Variants in TYW1B observed in about 807,000 individuals in gnomAD.
TYW1B encodes the protein S-adenosyl-L-methionine-dependent tRNA 4-demethylwyosine synthase TYW1B.
A neutral mutation model predicts 86.9 loss-of-function variants in TYW1B; 73 were observed. The ratio of observed to expected loss-of-function variants is 0.84; its 90% CI spans 0.70 to 1.02. The LOEUF (loss-of-function observed/expected upper bound fraction) is 1.02. Among genes scored for constraint, TYW1B ranks in the 50% least tolerant of loss-of-function variants. The pLI is 0.00. For synonymous variants in TYW1B, 248 were observed against 292.8 expected, an observed-to-expected ratio of 0.85 and a Z score of 1.56; for missense variants, 637 against 827.4, an observed-to-expected ratio of 0.77 and a Z score of 2.82.
intron 9 of TYW1B, among the ~76,000 whole-genome samples, chr7:72,716,280 G>GT (rs1230876423): frequency 4.6e-5 from 7 of 152,340 alleles, no homozygotes; most frequent in Non-Finnish European, 8.8e-5. Flanking sequence ...GCTGTGAATG[G>GT]TAAGTACCTT....
intron 2 of TYW1B, among the ~76,000 whole-genome samples, chr7:72,826,413 G>C (rs1163939420): frequency 2.0e-5 from 3 of 152,042 alleles, no homozygotes; most frequent in African/African-American, 7.3e-5. Context: ...GGTATAATAA[G>C]GTCCTTTAAT....
chr7:72,735,590 C>T (rs1438961727), intron 8 of TYW1B, among the ~76,000 whole-genome samples: 1 of 146,920 alleles, frequency 6.8e-6, no homozygotes, highest in African/African-American at 2.6e-5. Flanking sequence ...AAAAAAAAGG[C>T]CGAGTGCAGT....
At chr7:72,717,641 C>T (rs1354905265) in intron 9 of TYW1B, among the ~76,000 whole-genome samples, 1 of 124,508 alleles carries the variant, frequency 8.0e-6, no homozygotes, top group Non-Finnish European at 1.7e-5. Context: ...GTCAGCTGTG[C>T]TTGACACACA....
At chr7:72,739,866 C>T (rs1280072431) in intron 8 of TYW1B, among the ~76,000 whole-genome samples, 1 of 136,772 alleles carries the variant, frequency 7.3e-6, no homozygotes, top group South Asian at 2.6e-4. Flanking sequence ...CACCTCTGCC[C>T]GATCTTTAGG....
chr7:72,685,111 C>T lies in TYW1B; in HGVS notation c.1506+9576G>A, dbSNP rs542820833. ...TGGATGACAGAGTGAGACTCAATCTCGAAAAAAAAAAAAAAAGAAAAAAGA... is the reference window on the plus strand; with the variant it reads ...TGGATGACAGAGTGAGACTCAATCTTGAAAAAAAAAAAAAAAGAAAAAAGA... On this transcript the variant is annotated intron_variant, in intron 11 of 13. Coordinates refer to ENST00000620995, the MANE Select transcript of TYW1B (RefSeq NM_001145440.3). Among the ~76,000 whole-genome samples, 102 of 133,526 alleles carry T rather than the reference C, an allele frequency of 7.6e-4. 1 individual carries two copies. Among genetic ancestry groups the T allele is most frequent in the Admixed American group, 6.4e-3 (81 of 12,700 alleles). 87.6% of individuals were successfully genotyped at this position (133,526 alleles called of 152,430 possible). A position where few individuals can be genotyped will look rare whatever the true frequency, so the allele number is the denominator to read the frequency against.
intron 11 of TYW1B, among the ~76,000 whole-genome samples, chr7:72,671,135 C>T (rs1813591194): frequency 6.6e-6 from 1 of 152,134 alleles, no homozygotes; most frequent in Non-Finnish European, 1.5e-5. Context: ...TGAATAAACA[C>T]TTATAGGCTA....
intron 13 of TYW1B, among the ~76,000 whole-genome samples, chr7:72,586,585 A>ATTTT (rs1811282212): frequency 1.3e-5 from 2 of 151,954 alleles, no homozygotes; most frequent in African/African-American, 4.8e-5. Context: ...AAAAATACAA[A>ATTTT]AATTAGCCAG....
chr7:72,622,708 GCACA>G (rs782015423), intron 12 of TYW1B, among the ~76,000 whole-genome samples: 3 of 146,594 alleles, frequency 2.0e-5, no homozygotes, highest in Admixed American at 6.7e-5. Context: ...ACACACACAT[GCACA>G]CACACAACAC....
intron 9 of TYW1B, among the ~76,000 whole-genome samples, chr7:72,726,009 G>C (rs1786992320): frequency 6.6e-6 from 1 of 152,032 alleles, no homozygotes; most frequent in Non-Finnish European, 1.5e-5. Flanking sequence ...AAGACACATA[G>C]CTTACTTGAA....
In TYW1B at chr7:72,777,345, C is replaced by G. The variant is rs1585976203; in HGVS notation, c.964+71G>C. On this transcript the variant is annotated intron_variant, in intron 7 of 13. Transcript: ENST00000620995. Reference sequence around the variant, plus strand: ...AGCTGCTGAGCTAATTAGAGAGAGACTTCATTCTAGGTATCAAATGAGAAT... The same window carrying G: ...AGCTGCTGAGCTAATTAGAGAGAGAGTTCATTCTAGGTATCAAATGAGAAT... The G allele has an allele frequency of 5.1e-6, 8 of 1,557,956 alleles. No individual in the cohort carries two copies. In the East Asian group the frequency reaches 1.8e-4, roughly 35 times the overall value.
chr7:72,622,966 T>C (rs1345053146), intron 12 of TYW1B, among the ~76,000 whole-genome samples: 1 of 152,176 alleles, frequency 6.6e-6, no homozygotes, highest in Non-Finnish European at 1.5e-5. Flanking sequence ...ACCACTTCTA[T>C]GACCAAAGTT....
At chr7:72,751,427 T>C (rs1787498666) in intron 7 of TYW1B, among the ~76,000 whole-genome samples, 1 of 152,216 alleles carries the variant, frequency 6.6e-6, no homozygotes, top group Non-Finnish European at 1.5e-5. Flanking sequence ...CATCTCCACT[T>C]GACTACTGAG....
At chr7:72,712,135 A>G (rs1427068072) in intron 10 of TYW1B, among the ~76,000 whole-genome samples, 5 of 151,998 alleles carry the variant, frequency 3.3e-5, no homozygotes, top group Admixed American at 2.6e-4. Flanking sequence ...CCCTCCCTTA[A>G]GTCATCCAAC....
At chr7:72,767,636 TA>T in intron 7 of TYW1B, among the ~76,000 whole-genome samples, 1 of 151,456 alleles carries the variant, frequency 6.6e-6, no homozygotes, top group African/African-American at 2.4e-5. Flanking sequence ...AATAAAAAAA[TA>T]AAAAAAACTT....
intron 11 of TYW1B, among the ~76,000 whole-genome samples, chr7:72,688,837 T>C (rs1814071065): frequency 6.6e-6 from 1 of 152,198 alleles, no homozygotes; most frequent in African/African-American, 2.4e-5. Context: ...TCTAAAACGA[T>C]ATTAGGTAAA....
chr7:72,596,179 C>CAAAAAAAAAAAA (rs58325295), intron 13 of TYW1B, among the ~76,000 whole-genome samples: 4 of 56,376 alleles, frequency 7.1e-5, no homozygotes, highest in Non-Finnish European at 9.9e-5. Context: ...AACTCTGTCT[C>CAAAAAAAAAAAA]AAAAAAAAAA....
chr7:72,734,443 A>G (rs543436985), intron 8 of TYW1B, among the ~76,000 whole-genome samples: 1 of 152,280 alleles, frequency 6.6e-6, no homozygotes, highest in South Asian at 2.1e-4. Flanking sequence ...GACAATATAC[A>G]AAAATCAACT....
At chr7:72,738,868 C>T (rs35542369) in intron 8 of TYW1B, among the ~76,000 whole-genome samples, 3 of 151,744 alleles carry the variant, frequency 2.0e-5, no homozygotes, top group Non-Finnish European at 2.9e-5. Context: ...GCCAAGAGTT[C>T]GAGACCAGCT....
chr7:72,705,059 T>C (rs1358491456), intron 10 of TYW1B, among the ~76,000 whole-genome samples: 1 of 152,200 alleles, frequency 6.6e-6, no homozygotes, highest in Non-Finnish European at 1.5e-5. Flanking sequence ...TTTACTTCTA[T>C]TGAAAGAAAC....
Sources: gnomAD v4.1 joint callset for allele counts (sites outside exome capture counted in the v4.1 genomes callset) on GRCh38, gnomAD v4.1.1 for gene constraint, MANE v1.5 for transcripts, NCBI Gene and HGNC (gene_info 2026-07-23, HGNC 2026-07-21) for gene names.